The following KIF26A variants were observed in gnomAD, a reference collection of about 807,000 sequenced individuals.
KIF26A encodes the protein kinesin-like protein KIF26A.
Under a neutral mutation model 126.0 loss-of-function variants are expected in KIF26A, and 74 were observed. The observed-to-expected ratio is 0.59, with a 90% CI of 0.49 to 0.71. The LOEUF (loss-of-function observed/expected upper bound fraction) is 0.71. Among genes scored for constraint, KIF26A ranks in the 30% least tolerant of loss-of-function variants. KIF26A has a pLI of 0.00. For synonymous variants in KIF26A, 1,445 were observed against 1,232.7 expected (o/e 1.17, Z -3.61); for missense variants, 2,984 against 2,763.3 (o/e 1.08, Z -1.79).
In KIF26A at chr14:104,148,777, G is replaced by A. The variant is rs143589575; in HGVS notation, c.289-3238G>A. Among the ~76,000 whole-genome samples, 734 of 152,232 alleles carry A rather than the reference G, an allele frequency of 4.8e-3. 28 individuals are homozygous for A. Among genetic ancestry groups the A allele is most frequent in the East Asian group, 0.039 (201 of 5,178 alleles). On this transcript the variant is annotated intron_variant, in intron 2 of 14. Coordinates refer to ENST00000423312, the MANE Select transcript of KIF26A (RefSeq NM_015656.2). This position sits in a 1 kb window ranked among gnomAD's most constrained non-coding sequence, Gnocchi z 4.3. ...GCAGTCAGTGGTGTGGGAGACCCTC[G>A]CCTTCACCTTCTGGGGCCCAAGATG...
chr14:104,168,945 G>T (rs978055895), intron 5 of KIF26A, among the ~76,000 whole-genome samples: 3 of 152,128 alleles, frequency 2.0e-5, no homozygotes, highest in Non-Finnish European at 2.9e-5. Context: ...ACTGCTGGGG[G>T]TCTGCGGGGA....
At position 104,157,882 on chromosome 14, in the gene KIF26A, C is replaced by A; in HGVS notation, c.863C>A (p.Pro288His). Reference protein sequence around the residue: ...GGVCTSALVTPTPGSVGGSTG... With the variant: ...GGVCTSALVTHTPGSVGGSTG... ...GTCTGCACGTCAGCCCTGGTCACCC[C>A]CACCCCGGGCTCGGTGGGGGGCTCC... Residue 288 changes from proline (P) to histidine (H), a missense_variant, in exon 4 of 15, where the codon CCC becomes CAC. By Grantham distance (77) the Pro-to-His change is moderately conservative. Transcript: ENST00000423312. The A allele has an allele frequency of 6.3e-7, 1 of 1,583,042 alleles. No individual in the cohort carries two copies. Among genetic ancestry groups the A allele is most frequent in the Non-Finnish European group, 8.6e-7 (1 of 1,162,222 alleles).
chr14:104,148,254 C>T lies in KIF26A; in HGVS notation c.289-3761C>T, dbSNP rs570714130. Reference sequence around the variant, plus strand: ...TGATTTGTAAGTAGGGGGGAGACTCCCTAAAACCCAGGCGCGCAATGGGTG... The same window carrying T: ...TGATTTGTAAGTAGGGGGGAGACTCTCTAAAACCCAGGCGCGCAATGGGTG... On this transcript the variant is annotated intron_variant, in intron 2 of 14. Transcript: ENST00000423312. This position sits in a 1 kb window ranked among gnomAD's most constrained non-coding sequence, Gnocchi z 4.3. Among the ~76,000 whole-genome samples, 1 of 150,992 alleles carries T rather than the reference C, an allele frequency of 6.6e-6. No individual in the cohort carries two copies. The highest frequency in any genetic ancestry group is 1.5e-5 in the Non-Finnish European group (1 of 68,030).
chr14:104,178,896 T>A (rs2282375), intron 13 of KIF26A, 141 bp downstream of exon 13: 3 of 595,844 alleles, frequency 5.0e-6, no homozygotes, highest in Non-Finnish European at 8.6e-6. Flanking sequence ...TCCACGTTCC[T>A]CCCAGGACGC....
In KIF26A at chr14:104,173,479, C is replaced by T. The variant is rs1176299118; in HGVS notation, c.1833C>T (p.Tyr611=). Residue 611 remains tyrosine (Y), a synonymous_variant, in exon 9 of 15, where the codon TAC becomes TAT. Transcript: ENST00000423312. ...SSHMLFTLHV[Y]QYRMEKCGRG... ...ACATGTTGTTCACGCTGCACGTCTA[C>T]CAGTACCGCATGGAGAAGTGCGGCC... The T allele has an allele frequency of 6.3e-7, 1 of 1,582,726 alleles. No homozygotes were observed. Among genetic ancestry groups the T allele is most frequent in the African/African-American group, 1.3e-5 (1 of 74,144 alleles).
At chr14:104,168,050 G>T (rs776201306) in intron 5 of KIF26A, among the ~76,000 whole-genome samples, 2 of 152,208 alleles carry the variant, frequency 1.3e-5, no homozygotes, top group Non-Finnish European at 2.9e-5. Flanking sequence ...CTCTCCCACT[G>T]CCCTAGCTGT....
At chr14:104,144,381 C>T (rs2037663379) in intron 2 of KIF26A, among the ~76,000 whole-genome samples, 2 of 152,080 alleles carry the variant, frequency 1.3e-5, no homozygotes, top group African/African-American at 4.8e-5. Context: ...GGATTGTGGC[C>T]GCTGGCCTCA....
At chr14:104,178,005 C>A in intron 12 of KIF26A, 107 bp downstream of exon 12, 2 of 1,257,160 alleles carry the variant, frequency 1.6e-6, no homozygotes, top group Non-Finnish European at 2.1e-6. Context: ...CAGATGGGCA[C>A]AGCCTTCAAG....
Position 104,166,859 on chromosome 14 carries a change from G to C in KIF26A, c.924G>C (p.Arg308Ser). ...TCCTGCCTCTGCCTCTCCTCCCCAG[G>C]GCTATGCAGAAGCTCAGCCTGGCCT... is the stretch of plus-strand genomic sequence containing the variant. ...GPSAAASFFI[R>S]AMQKLSLASK... Residue 308 changes from arginine to serine, a missense_variant and splice_region_variant, in exon 5 of 15, where the codon AGG (arginine) becomes AGC (serine). Physicochemically the swap from Arg to Ser is moderately radical, Grantham distance 110. Coordinates refer to ENST00000423312, the MANE Select transcript of KIF26A (RefSeq NM_015656.2). 1 of 1,569,898 alleles carries C rather than the reference G, an allele frequency of 6.4e-7. No individual in the cohort carries two copies. Among genetic ancestry groups the C allele is most frequent in the Non-Finnish European group, 8.6e-7 (1 of 1,158,912 alleles).
chr14:104,141,057 G>T (rs949467028), intron 2 of KIF26A, among the ~76,000 whole-genome samples: 1 of 152,240 alleles, frequency 6.6e-6, no homozygotes, highest in Non-Finnish European at 1.5e-5. Flanking sequence ...GGCCTTACGG[G>T]TGTCATTGTC....
chr14:104,166,060 GC>G (rs1485827121), intron 4 of KIF26A, among the ~76,000 whole-genome samples: 1 of 151,644 alleles, frequency 6.6e-6, no homozygotes, highest in Non-Finnish European at 1.5e-5. Flanking sequence ...CCCACCCCTG[GC>G]GGTGCTGGGG....
At chr14:104,167,904 C>T (rs78111977) in intron 5 of KIF26A, among the ~76,000 whole-genome samples, 6,549 of 152,260 alleles carry the variant, frequency 0.043, 183 homozygotes, top group Non-Finnish European at 0.063. Flanking sequence ...CATCAGGCTC[C>T]GTGCCCCTCT....
At chr14:104,153,846 A>C (rs909786798) in intron 3 of KIF26A, among the ~76,000 whole-genome samples, 26 of 152,128 alleles carry the variant, frequency 1.7e-4, no homozygotes, top group African/African-American at 5.6e-4. Context: ...CCCGTGGCTG[A>C]GGGTCCCAGC....
At position 104,176,128 on chromosome 14, in the gene KIF26A, C is replaced by A; in HGVS notation, c.3340C>A (p.Leu1114Ile). The A allele has an allele frequency of 6.3e-7, 1 of 1,581,186 alleles. No individual in the cohort carries two copies. The highest frequency in any genetic ancestry group is 8.6e-7 in the Non-Finnish European group (1 of 1,164,506). Reference protein sequence around the residue: ...SSHGSSISSWLSEVSVCTADS... With the variant: ...SSHGSSISSWISEVSVCTADS... ...TCACGGCTCCTCCATCAGCTCCTGG[C>A]TCAGCGAGGTCAGCGTCTGCACTGC... The change falls in exon 12 of 15, where the codon CTC (leucine) becomes ATC (isoleucine). Residue 1114 changes from leucine (L) to isoleucine (I), a missense_variant. Coordinates refer to ENST00000423312, the MANE Select transcript of KIF26A (RefSeq NM_015656.2).
rs111174238 is a variant in KIF26A at position 104,165,449 on chromosome 14, T to C, written c.924-1410T>C. Among the ~76,000 whole-genome samples, 758 of 77,198 alleles carry C rather than the reference T, an allele frequency of 9.8e-3. 20 individuals carry two copies. Among genetic ancestry groups the C allele is most frequent in the African/African-American group, 0.037 (649 of 17,720 alleles). The allele number at this position is 77,198 out of a possible 152,430, so 50.6% of individuals were successfully genotyped here. ...CGTGTGTGTCTGTCTCTGTGTGTGT[T>C]TCTGTATGCGTGTGTGTGTGGGCCT... On this transcript the variant is annotated intron_variant, in intron 4 of 14. Transcript: ENST00000423312.
chr14:104,162,279 G>T (rs1225675549), intron 4 of KIF26A, among the ~76,000 whole-genome samples: 3 of 152,188 alleles, frequency 2.0e-5, no homozygotes, highest in Non-Finnish European at 2.9e-5. Flanking sequence ...GTGGGGTGGA[G>T]ATGTGGGGCG....
intron 4 of KIF26A, among the ~76,000 whole-genome samples, chr14:104,166,030 C>T (rs546484015): frequency 6.6e-6 from 1 of 152,216 alleles, no homozygotes; most frequent in East Asian, 1.9e-4. Context: ...TCCCTGGGGG[C>T]ACTGTGGGTG....
At position 104,172,668 on chromosome 14, in the gene KIF26A, G is replaced by T; in HGVS notation, c.1420G>T (p.Gly474Cys). The change falls in exon 7 of 15, where the codon GGC becomes TGC. Residue 474 changes from glycine to cysteine, a missense_variant and splice_region_variant. Gly to Cys is a radical substitution (Grantham distance 159, BLOSUM62 -3). Coordinates refer to ENST00000423312, the MANE Select transcript of KIF26A (RefSeq NM_015656.2). ...TTTTTCCTTTGGCCACATGAGCCTG[G>T]GTAAGCACCCTTGCCCCACCCTAGA... ...CIFSFGHMSLGKSYTMIGKDS... is the reference protein window; with the variant it reads ...CIFSFGHMSLCKSYTMIGKDS... 6.2e-7 allele frequency: 1 copy of T among 1,610,822 alleles called. No individual in the cohort carries two copies. The highest frequency in any genetic ancestry group is 8.5e-7 in the Non-Finnish European group (1 of 1,177,850).
At position 104,180,465 on chromosome 14, in the gene KIF26A, A is replaced by T. The variant is rs1049956337; in HGVS notation, c.*675A>T. The stretch of plus-strand genomic sequence containing the variant: ...GGCAGGAATTTTTACCAAAACCACA[A>T]GCAAAAAACAAAACAGACCACCACG... On this transcript the variant is annotated 3_prime_UTR_variant, in exon 15 of 15. Coordinates refer to ENST00000423312, the MANE Select transcript of KIF26A (RefSeq NM_015656.2). The T allele has an allele frequency of 6.6e-6, 1 of 152,224 alleles. No individual in the cohort carries two copies. Among genetic ancestry groups the T allele is most frequent in the African/African-American group, 2.4e-5 (1 of 41,436 alleles). 9.4% of individuals were successfully genotyped at this position (152,224 alleles called of 1,614,324 possible).
Sources: allele counts gnomAD v4.1 joint callset (sites outside exome capture counted in the v4.1 genomes callset), GRCh38; gene constraint gnomAD v4.1.1; non-coding constraint Gnocchi (gnomAD v3.1); transcripts MANE v1.5; gene names NCBI Gene and HGNC (gene_info 2026-07-23, HGNC 2026-07-21).